Variants in DNAI2 observed in about 807,000 individuals in gnomAD.
DNAI2 encodes the protein dynein axonemal intermediate chain 2.
Under a neutral mutation model 74.7 loss-of-function variants are expected in DNAI2, and 63 were observed. That is an observed-to-expected ratio of 0.84 (90% CI 0.69 to 1.04). The LOEUF (loss-of-function observed/expected upper bound fraction) is 1.04. DNAI2 is among the 50% of genes least tolerant of loss of function. DNAI2 has a pLI of 0.00. For missense variants in DNAI2, 688 were observed against 803.2 expected (o/e 0.86, Z 1.73); for synonymous variants, 289 against 314.9 (o/e 0.92, Z 0.87).
chr17:74,292,835 T>TC (rs1366494169), intron 6 of DNAI2, among the ~76,000 whole-genome samples: 3 of 64,974 alleles, frequency 4.6e-5, no homozygotes, highest in African/African-American at 1.2e-4. Flanking sequence ...GTAGTTTTCC[T>TC]TTTTTTTTTT....
At chr17:74,281,442 G>A in intron 1 of DNAI2, 1 of 463,802 alleles carries the variant, frequency 2.2e-6, no homozygotes, top group East Asian at 3.4e-5. Context: ...TATTTTTGCA[G>A]AGATGGGGTT....
At chr17:74,299,648 C>T in intron 6 of DNAI2, 70 bp from the exon 7 acceptor site, 3 of 1,601,100 alleles carry the variant, frequency 1.9e-6, no homozygotes, top group East Asian at 2.2e-5. Context: ...CCCCTCTCTC[C>T]CCTGCTCCCT....
intron 3 of DNAI2, 67 bp from the exon 4 acceptor site, chr17:74,286,910 T>C (rs1351376293): frequency 6.2e-6 from 10 of 1,607,278 alleles, no homozygotes; most frequent in Admixed American, 5.0e-5. Context: ...CCAGACTCCA[T>C]TGCAGGCCTG....
At chr17:74,285,522 T>C (rs567952885) in intron 3 of DNAI2, among the ~76,000 whole-genome samples, 14 of 152,248 alleles carry the variant, frequency 9.2e-5, no homozygotes, top group African/African-American at 3.4e-4. Context: ...TGGACTGAAC[T>C]TCAAGCCTCT....
intron 1 of DNAI2, among the ~76,000 whole-genome samples, chr17:74,275,657 G>A (rs916043554): frequency 6.6e-6 from 1 of 152,062 alleles, no homozygotes; most frequent in Admixed American, 6.6e-5. Context: ...AACCTGGGAG[G>A]TGGAGGTTGC....
rs1214203018 is a variant in DNAI2 at position 74,299,771 on chromosome 17, T to A, written c.778T>A (p.Ser260Thr). The A allele has an allele frequency of 3.1e-5, 49 of 1,604,648 alleles. No individual in the cohort carries two copies. The highest frequency in any genetic ancestry group is 3.9e-5 in the Non-Finnish European group (46 of 1,176,714). ...GGTGGCGGAGCTATCCACCATTGAG[T>A]CCAGCCACCGAGACCCTGTGTATGG... ...SLVAELSTIE[S>T]SHRDPVYGTI... Residue 260 changes from serine to threonine, a missense_variant, in exon 7 of 14, where the codon TCC (serine) becomes ACC (threonine). Physicochemically the swap from Ser to Thr is moderately conservative, Grantham distance 58. Coordinates refer to ENST00000311014, the MANE Select transcript of DNAI2 (RefSeq NM_023036.6).
chr17:74,310,200 C>G (rs777815873), intron 11 of DNAI2, 37 bp downstream of exon 11: 1 of 1,608,274 alleles, frequency 6.2e-7, no homozygotes, highest in Admixed American at 1.7e-5. Flanking sequence ...CCCTCCAGCA[C>G]GTCCCGACCT....
At chr17:74,284,773 G>A (rs1470708607) in intron 2 of DNAI2, among the ~76,000 whole-genome samples, 1 of 152,212 alleles carries the variant, frequency 6.6e-6, no homozygotes, top group African/African-American at 2.4e-5. Flanking sequence ...TGGTCCATTA[G>A]AATTCAGATA....
At chr17:74,293,387 C>T (rs2052244445) in intron 6 of DNAI2, among the ~76,000 whole-genome samples, 1 of 152,062 alleles carries the variant, frequency 6.6e-6, no homozygotes, top group Admixed American at 6.6e-5. Flanking sequence ...TGAATTAACC[C>T]TTTTATCAGT....
At chr17:74,314,394 C>T in intron 13 of DNAI2, 123 bp downstream of exon 13, 2 of 1,272,558 alleles carry the variant, frequency 1.6e-6, no homozygotes, top group Non-Finnish European at 2.2e-6. Flanking sequence ...CACTGACTCA[C>T]TGGGCACTGA....
intron 2 of DNAI2, among the ~76,000 whole-genome samples, chr17:74,283,508 G>A (rs369283317): frequency 1.3e-5 from 2 of 151,932 alleles, no homozygotes; most frequent in African/African-American, 4.8e-5. Context: ...CTTGGGAGGT[G>A]GAGGCGGGCG....
chr17:74,278,936 G>C (rs1028301261), intron 1 of DNAI2, among the ~76,000 whole-genome samples: 2 of 152,244 alleles, frequency 1.3e-5, no homozygotes, highest in East Asian at 1.9e-4. Context: ...GGGAGGCCAA[G>C]GTGGGTGGAT....
At chr17:74,293,165 G>A (rs2052231586) in intron 6 of DNAI2, among the ~76,000 whole-genome samples, 1 of 152,126 alleles carries the variant, frequency 6.6e-6, no homozygotes, top group Non-Finnish European at 1.5e-5. Flanking sequence ...TTGTCTGGGA[G>A]GTCTTGTCTA....
intron 9 of DNAI2, among the ~76,000 whole-genome samples, chr17:74,308,617 G>A (rs1315684736): frequency 1.3e-5 from 2 of 152,092 alleles, no homozygotes; most frequent in African/African-American, 4.8e-5. Context: ...GACCTCCTGG[G>A]CTCAAGCGAT....
intron 9 of DNAI2, among the ~76,000 whole-genome samples, chr17:74,308,079 T>C (rs2053292225): frequency 6.6e-6 from 1 of 152,180 alleles, no homozygotes; most frequent in South Asian, 2.1e-4. Flanking sequence ...ATGACAGGCA[T>C]GAGCCACCGC....
chr17:74,300,791 G>A lies in DNAI2; in HGVS notation c.865-255G>A, dbSNP rs760125530. 1.4e-4 allele frequency among the ~76,000 whole-genome samples: 22 copies of A among 152,202 alleles called. 1 individual carries two copies. The highest frequency in any genetic ancestry group is 1.1e-3 in the Admixed American group (17 of 15,278). ...TCTTGGCCTTGCACCTGGAGGTTTT[G>A]ATTCAGTAGGTCGAGGGCGAGGCCT... On this transcript the variant is annotated intron_variant, in intron 7 of 13. Coordinates refer to ENST00000311014, the MANE Select transcript of DNAI2 (RefSeq NM_023036.6). This position sits in a 1 kb window ranked among gnomAD's most constrained non-coding sequence, Gnocchi z 4.5.
At position 74,298,704 on chromosome 17, in the gene DNAI2, G is replaced by A. The variant is rs571106788; in HGVS notation, c.725-1014G>A. ...TGCAGCCTCAACCTCCCAGGCTCAAGCAATTCTCCCACCTCAGCCTCCCGA... is the reference window on the plus strand; with the variant it reads ...TGCAGCCTCAACCTCCCAGGCTCAAACAATTCTCCCACCTCAGCCTCCCGA... On this transcript the variant is annotated intron_variant, in intron 6 of 13. Transcript: ENST00000311014. 7.2e-5 allele frequency among the ~76,000 whole-genome samples: 11 copies of A among 152,234 alleles called. No individual in the cohort carries two copies. The South Asian group carries it at 1.0e-3, about 14-fold the overall frequency.
At chr17:74,295,383 C>G (rs575223567) in intron 6 of DNAI2, among the ~76,000 whole-genome samples, 1 of 152,142 alleles carries the variant, frequency 6.6e-6, no homozygotes, top group African/African-American at 2.4e-5. Flanking sequence ...GGCTGGGCAA[C>G]AAAGCGAAAC....
chr17:74,285,680 T>C (rs1164347860), intron 3 of DNAI2, among the ~76,000 whole-genome samples: 3 of 151,454 alleles, frequency 2.0e-5, no homozygotes, highest in African/African-American at 7.3e-5. Context: ...CCCAAAGAGA[T>C]TGCAGTCCAT....
Sources: gnomAD v4.1 joint callset for allele counts (sites outside exome capture counted in the v4.1 genomes callset) on GRCh38, gnomAD v4.1.1 for gene constraint, Gnocchi (gnomAD v3.1) non-coding constraint, MANE v1.5 for transcripts, NCBI Gene and HGNC (gene_info 2026-07-23, HGNC 2026-07-21) for gene names.